The following TTC6 variants were observed in gnomAD, a reference collection of about 807,000 sequenced individuals.
TTC6 encodes tetratricopeptide repeat domain 6, also known as tetratricopeptide repeat protein 6.
Under a neutral mutation model 210.4 loss-of-function variants are expected in TTC6, and 172 were observed. The ratio of observed to expected loss-of-function variants is 0.82; its 90% CI spans 0.72 to 0.93. The LOEUF is 0.93. TTC6 is among the 40% of genes least tolerant of loss of function. TTC6 has a pLI of 0.00. For synonymous variants in TTC6, 804 were observed against 819.6 expected (o/e 0.98, Z 0.32); for missense variants, 2,414 against 2,318.1 (o/e 1.04, Z -0.85).
chr14:37,787,810 A>G (rs2096071251), intron 15 of TTC6, among the ~76,000 whole-genome samples, 173 bp downstream of exon 17: 1 of 152,122 alleles, frequency 6.6e-6, no homozygotes, highest in Non-Finnish European at 1.5e-5. Context: ...ATTCTTATAT[A>G]GGTATACAAT....
chr14:37,792,118 T>A, intron 16 of TTC6, 146 bp from the exon 19 acceptor site: 1 of 613,172 alleles, frequency 1.6e-6, no homozygotes, highest in Non-Finnish European at 2.6e-6. Context: ...AGAGAGCAGC[T>A]AACTAATTTA....
chr14:37,799,202 T>A (rs1175170053), intron 20 of TTC6, among the ~76,000 whole-genome samples: 3 of 152,188 alleles, frequency 2.0e-5, no homozygotes, highest in Admixed American at 6.6e-5. Flanking sequence ...ATTATTCCTA[T>A]TTTTTCTCCC....
At chr14:37,605,876 T>C (rs1371634339) in intron 1 of TTC6, among the ~76,000 whole-genome samples, 1 of 151,686 alleles carries the variant, frequency 6.6e-6, no homozygotes, top group Non-Finnish European at 1.5e-5. Context: ...CTTTTTCAAA[T>C]GGATAGTTTT....
At chr14:37,627,823 C>T (rs2095662943) in intron 1 of TTC6, among the ~76,000 whole-genome samples, 1 of 152,142 alleles carries the variant, frequency 6.6e-6, no homozygotes. Context: ...AATGGGATCG[C>T]TGGGTCAAAT....
chr14:37,681,765 A>C (rs2095784212), intron 2 of TTC6, among the ~76,000 whole-genome samples: 1 of 152,062 alleles, frequency 6.6e-6, no homozygotes, highest in Non-Finnish European at 1.5e-5. Context: ...CCTACCTTTG[A>C]AAATTTTGGA....
At chr14:37,622,426 A>G in exon 1 of TTC6, 1 of 1,534,740 alleles carries the variant, frequency 6.5e-7, no homozygotes, top group Non-Finnish European at 8.7e-7. Flanking sequence ...CGGGACTTTT[A>G]CTTGCGGAGC....
At chr14:37,635,092 G>A (rs903780974) in intron 1 of TTC6, among the ~76,000 whole-genome samples, 4 of 152,198 alleles carry the variant, frequency 2.6e-5, no homozygotes, top group Non-Finnish European at 5.9e-5. Flanking sequence ...GCGTTTTCTA[G>A]ATTGTGTTTG....
chr14:37,686,269 A>G (rs541222251), intron 3 of TTC6, among the ~76,000 whole-genome samples: 2 of 152,346 alleles, frequency 1.3e-5, no homozygotes, highest in East Asian at 3.9e-4. Flanking sequence ...TGTAAATGCT[A>G]CAATATAAAG....
chr14:37,749,147 A>G, exon 11 of TTC6: 17 of 1,535,532 alleles, frequency 1.1e-5, no homozygotes, highest in Non-Finnish European at 1.3e-5. Context: ...CATACCTGTA[A>G]AAGAGAAAGA....
At chr14:37,625,593 G>A (rs982058136) in intron 1 of TTC6, among the ~76,000 whole-genome samples, 2 of 151,344 alleles carry the variant, frequency 1.3e-5, no homozygotes, top group African/African-American at 4.9e-5. Flanking sequence ...TAAAAGTCGT[G>A]TCCAAATTAT....
chr14:37,679,066 A>G (rs1328345958), intron 1 of TTC6, among the ~76,000 whole-genome samples: 1 of 152,094 alleles, frequency 6.6e-6, no homozygotes, highest in Non-Finnish European at 1.5e-5. Flanking sequence ...ACAAAAAACA[A>G]AAACATTAGT....
chr14:37,712,379 G>T (rs1185960060), intron 5 of TTC6, among the ~76,000 whole-genome samples: 1 of 152,162 alleles, frequency 6.6e-6, no homozygotes, highest in Non-Finnish European at 1.5e-5. Flanking sequence ...TGATCCTGAT[G>T]TCTGTATTCA....
intron 1 of TTC6, among the ~76,000 whole-genome samples, chr14:37,601,312 C>T (rs946206862): frequency 2.0e-5 from 3 of 152,200 alleles, no homozygotes; most frequent in Non-Finnish European, 2.9e-5. Context: ...CTCTCCCTTA[C>T]TGGTCTAGTA....
intron 6 of TTC6, among the ~76,000 whole-genome samples, chr14:37,718,855 C>CT (rs1352194557): frequency 6.6e-6 from 1 of 152,040 alleles, no homozygotes; most frequent in African/African-American, 2.4e-5. Flanking sequence ...GGAAGATAAC[C>CT]TGAGCCTGGG....
intron 1 of TTC6, among the ~76,000 whole-genome samples, chr14:37,637,575 C>A (rs1209300734): frequency 6.6e-6 from 1 of 152,066 alleles, no homozygotes; most frequent in Non-Finnish European, 1.5e-5. Context: ...TTTCAGGTTA[C>A]AGTGAGCTAT....
At chr14:37,612,948 C>T (rs2095636990) in intron 2 of TTC6, among the ~76,000 whole-genome samples, 1 of 152,122 alleles carries the variant, frequency 6.6e-6, no homozygotes, top group African/African-American at 2.4e-5. Context: ...TTAACCTTTT[C>T]CTTTTCAATC....
intron 17 of TTC6, 65 bp from the exon 20 acceptor site, chr14:37,795,205 G>C: frequency 4.4e-6 from 5 of 1,129,912 alleles, no homozygotes; most frequent in Non-Finnish European, 6.3e-6. Flanking sequence ...GGTGGGAGAG[G>C]ATAAATATCA....
At chr14:37,646,172 A>T (rs2095701270) in intron 1 of TTC6, among the ~76,000 whole-genome samples, 1 of 152,222 alleles carries the variant, frequency 6.6e-6, no homozygotes, top group Non-Finnish European at 1.5e-5. Context: ...GTATGTGTAC[A>T]GGATGAGAAA....
intron 3 of TTC6, among the ~76,000 whole-genome samples, chr14:37,695,918 A>C (rs868150088): frequency 6.6e-6 from 1 of 152,166 alleles, no homozygotes; most frequent in African/African-American, 2.4e-5. Flanking sequence ...AGGATCCACA[A>C]AGTAAGTGCA....
Sources: gnomAD v4.1 joint callset for allele counts (sites outside exome capture counted in the v4.1 genomes callset) on GRCh38, gnomAD v4.1.1 for gene constraint, MANE v1.5 for transcripts, NCBI Gene and HGNC (gene_info 2026-07-23, HGNC 2026-07-21) for gene names.